NALF1: variants seen among roughly 807,000 people sequenced by gnomAD.
The protein encoded by NALF1 is NALCN channel auxiliary factor 1, also known as family with sequence similarity 155 member A.
A neutral mutation model predicts 48.4 loss-of-function variants in NALF1; 3 were observed. That is an observed-to-expected ratio of 0.06 (90% CI 0.03 to 0.16). The LOEUF is 0.16. Among genes scored for constraint, NALF1 ranks in the 10% least tolerant of loss-of-function variants. The pLI is 1.00. For missense variants in NALF1, 526 were observed against 571.5 expected, an observed-to-expected ratio of 0.92 and a Z score of 0.81; for synonymous variants, 262 against 245.7, an observed-to-expected ratio of 1.07 and a Z score of -0.62.
At chr13:107,309,949 G>A (rs192341897) in intron 1 of NALF1, among the ~76,000 whole-genome samples, 1 of 152,070 alleles carries the variant, frequency 6.6e-6, no homozygotes, top group South Asian at 2.1e-4. Context: ...GCTATTTTAT[G>A]TCTTCATTTT....
intron 1 of NALF1, among the ~76,000 whole-genome samples, chr13:107,218,275 T>C (rs1263320270): frequency 6.6e-6 from 1 of 152,204 alleles, no homozygotes; most frequent in Non-Finnish European, 1.5e-5. Context: ...GGCAGTTCAG[T>C]ACATGTGATG....
chr13:107,173,649 C>T (rs1172032774), intron 2 of NALF1, among the ~76,000 whole-genome samples: 1 of 152,192 alleles, frequency 6.6e-6, no homozygotes, highest in East Asian at 1.9e-4. Context: ...GTATCCTGTG[C>T]CTCGTCCCCT....
intron 1 of NALF1, among the ~76,000 whole-genome samples, chr13:107,241,639 T>TA (rs1880473193): frequency 6.6e-6 from 1 of 152,190 alleles, no homozygotes; most frequent in Non-Finnish European, 1.5e-5. Flanking sequence ...GCAAAGCCCT[T>TA]ACAGCAGTGT....
Position 107,866,270 on chromosome 13 carries a change from G to A in NALF1, c.327C>T (p.Ser109=). The A allele has an allele frequency of 6.3e-7, 1 of 1,597,966 alleles. No individual in the cohort carries two copies. The highest frequency in any genetic ancestry group is 2.2e-5 in the East Asian group (1 of 44,594). The change falls in exon 1 of 3, where the codon AGC becomes AGT. Residue 109 remains serine (S), a synonymous_variant. Coordinates refer to ENST00000375915, the MANE Select transcript of NALF1 (RefSeq NM_001080396.3). The surrounding 1 kb of genome is among the most constrained non-coding windows in gnomAD (Gnocchi z 4.4). ...QEPSWPALLA[S]MGESSPAAQA... is the part of the protein sequence containing the mutation. The stretch of plus-strand genomic sequence containing the variant: ...GGGCGGCGGGCGAGGACTCCCCCAT[G>A]CTCGCCAGGAGCGCGGGCCAGGAGG...
chr13:107,709,195 G>C (rs907684299), intron 1 of NALF1, among the ~76,000 whole-genome samples: 6 of 152,000 alleles, frequency 3.9e-5, no homozygotes, highest in Non-Finnish European at 7.4e-5. Flanking sequence ...CACTTCCAAG[G>C]GCTCAGTGTC....
At chr13:107,264,494 T>A (rs1881001759) in intron 1 of NALF1, among the ~76,000 whole-genome samples, 1 of 152,192 alleles carries the variant, frequency 6.6e-6, no homozygotes, top group African/African-American at 2.4e-5. Flanking sequence ...ATTTGTTAAT[T>A]ACACAAAGAG....
At chr13:107,179,235 A>C (rs528184157) in intron 2 of NALF1, among the ~76,000 whole-genome samples, 3 of 152,316 alleles carry the variant, frequency 2.0e-5, no homozygotes, top group African/African-American at 7.2e-5. Flanking sequence ...AATGGAGGTC[A>C]TTATGTTAAG....
chr13:107,182,409 G>A (rs995184287), intron 2 of NALF1, among the ~76,000 whole-genome samples: 3 of 151,772 alleles, frequency 2.0e-5, no homozygotes, highest in Non-Finnish European at 2.9e-5. Context: ...CAAGTAGCTG[G>A]GCCTACAGGT....
chr13:107,819,219 T>C (rs1019840567), intron 1 of NALF1, among the ~76,000 whole-genome samples: 2 of 152,190 alleles, frequency 1.3e-5, no homozygotes, highest in African/African-American at 4.8e-5. Flanking sequence ...CTTCATTGAA[T>C]AAGCCTTTTT....
intron 1 of NALF1, among the ~76,000 whole-genome samples, chr13:107,602,633 GA>G (rs2138425759): frequency 6.6e-6 from 1 of 152,226 alleles, no homozygotes; most frequent in South Asian, 2.1e-4. Context: ...AATTGCATTT[GA>G]GTTTGCCTTT....
At chr13:107,224,045 T>A (rs1880049878) in intron 1 of NALF1, among the ~76,000 whole-genome samples, 2 of 152,148 alleles carry the variant, frequency 1.3e-5, no homozygotes, top group African/African-American at 4.8e-5. Context: ...TGATTATCAG[T>A]TGATTATTGA....
At chr13:107,411,833 A>AAAAGAAGGGGCTATTCCAGGC (rs1883997220) in intron 1 of NALF1, among the ~76,000 whole-genome samples, 1 of 152,118 alleles carries the variant, frequency 6.6e-6, no homozygotes, top group Admixed American at 6.6e-5. Context: ...ATGGGAGTGG[A>AAAAGAAGGGGCTATTCCAGGC]AAAGAAGGGG....
intron 1 of NALF1, among the ~76,000 whole-genome samples, chr13:107,279,923 A>G (rs1881354127): frequency 6.6e-6 from 1 of 152,046 alleles, no homozygotes; most frequent in South Asian, 2.1e-4. Flanking sequence ...CATTTGCTCA[A>G]TCCTTTTTCT....
chr13:107,646,856 A>C (rs907325141), intron 1 of NALF1, among the ~76,000 whole-genome samples: 4 of 152,114 alleles, frequency 2.6e-5, no homozygotes, highest in African/African-American at 9.7e-5. Flanking sequence ...ATTAGGAAAG[A>C]AATTCATATG....
intron 1 of NALF1, among the ~76,000 whole-genome samples, chr13:107,664,808 C>T (rs1363013138): frequency 6.6e-6 from 1 of 152,052 alleles, no homozygotes; most frequent in South Asian, 2.1e-4. Context: ...GACCCAAGCA[C>T]GTTTTTCTGT....
intron 1 of NALF1, among the ~76,000 whole-genome samples, chr13:107,668,233 T>A (rs1880908163): frequency 6.6e-6 from 1 of 152,132 alleles, no homozygotes; most frequent in Non-Finnish European, 1.5e-5. Flanking sequence ...ATGCAGGGTT[T>A]AAAGATGGGA....
intron 1 of NALF1, among the ~76,000 whole-genome samples, chr13:107,325,232 TA>T (rs1199984153): frequency 6.6e-6 from 1 of 152,118 alleles, no homozygotes; most frequent in Non-Finnish European, 1.5e-5. Context: ...ATCATATGCA[TA>T]AAAAATAAAA....
intron 1 of NALF1, among the ~76,000 whole-genome samples, chr13:107,370,312 G>A (rs1883226665): frequency 1.3e-5 from 2 of 152,194 alleles, no homozygotes; most frequent in African/African-American, 4.8e-5. Context: ...CCCCAAAACA[G>A]GCTGCTTTCT....
At chr13:107,250,433 A>G (rs952135454) in intron 1 of NALF1, among the ~76,000 whole-genome samples, 10 of 152,246 alleles carry the variant, frequency 6.6e-5, no homozygotes, top group African/African-American at 2.2e-4. Context: ...AAACAAAGGT[A>G]TTAGAGAAGA....
Sources: allele counts gnomAD v4.1 joint callset (sites outside exome capture counted in the v4.1 genomes callset), GRCh38; gene constraint gnomAD v4.1.1; non-coding constraint Gnocchi (gnomAD v3.1); transcripts MANE v1.5; gene names NCBI Gene and HGNC (gene_info 2026-07-23, HGNC 2026-07-21).